FBXL17: variants seen among roughly 807,000 people sequenced by gnomAD.
The protein encoded by FBXL17 is F-box and leucine rich repeat protein 17, also known as F-box/LRR-repeat protein 17.
In FBXL17, 22 loss-of-function variants were observed where a neutral mutation model predicts 66.2. That is an observed-to-expected ratio of 0.33 (90% CI 0.24 to 0.47). The LOEUF (loss-of-function observed/expected upper bound fraction) is 0.47. Ranked by LOEUF, FBXL17 falls within the 20% of genes least tolerant of loss-of-function variation. The pLI, the probability that FBXL17 is intolerant of heterozygous loss-of-function variation, is 1.00. For synonymous variants in FBXL17, 474 were observed against 400.5 expected (o/e 1.18, Z -2.19); for missense variants, 878 against 948.2 (o/e 0.93, Z 0.97).
chr5:107,962,497 C>T (rs1561341367), intron 7 of FBXL17, among the ~76,000 whole-genome samples: 1 of 151,964 alleles, frequency 6.6e-6, no homozygotes, highest in African/African-American at 2.4e-5. Context: ...ATACATATTA[C>T]TGGGATAGAA....
intron 6 of FBXL17, among the ~76,000 whole-genome samples, chr5:108,077,657 T>C (rs76391380): frequency 0.028 from 3,550 of 128,334 alleles, 145 homozygotes; most frequent in African/African-American, 0.093. Context: ...GGCAAGATCC[T>C]ATCTCAAAAA....
intron 7 of FBXL17, among the ~76,000 whole-genome samples, chr5:107,982,665 T>C (rs1180539909): frequency 6.6e-6 from 1 of 152,254 alleles, no homozygotes; most frequent in Non-Finnish European, 1.5e-5. Flanking sequence ...GCATACATCC[T>C]GATTATAATG....
At position 108,030,517 on chromosome 5, in the gene FBXL17, T is replaced by C. The variant is rs573099378; in HGVS notation, c.1746-9516A>G. Among the ~76,000 whole-genome samples the C allele has an allele frequency of 2.6e-5, 4 of 152,280 alleles. No homozygotes were observed. The South Asian group carries it at 8.3e-4, about 32-fold the overall frequency. On this transcript the variant is annotated intron_variant, in intron 6 of 8. Transcript: ENST00000542267. ...TCCAGTACTCAGATTTGCGTTATTT[T>C]AAAGGATAAACCAAAATGAACAGTG...
At chr5:108,233,786 A>G (rs1755475045) in intron 4 of FBXL17, among the ~76,000 whole-genome samples, 1 of 152,212 alleles carries the variant, frequency 6.6e-6, no homozygotes, top group South Asian at 2.1e-4. Context: ...GCATAATGTC[A>G]ACACACATCA....
chr5:107,871,069 A>ACAAAAAAAAAAC lies in FBXL17; in HGVS notation c.1966-9210_1966-9209insGTTTTTTTTTTG, dbSNP rs1554080841. ...TACTCTTGGGCGGCAAAAAAAAAAA[A>ACAAAAAAAAAAC]AAAAAAAAAACCTCATCTAAAAATC... On this transcript the variant is annotated intron_variant, in intron 8 of 8. Coordinates refer to ENST00000542267, the MANE Select transcript of FBXL17 (RefSeq NM_001163315.3). 1.2e-3 allele frequency among the ~76,000 whole-genome samples: 156 copies of ACAAAAAAAAAAC among 130,238 alleles called. 5 individuals are homozygous for ACAAAAAAAAAAC. The highest frequency in any genetic ancestry group is 4.8e-3 in the African/African-American group (150 of 31,142). The allele number at this position is 130,238 out of a possible 152,430, so 85.4% of individuals were successfully genotyped here.
At chr5:108,040,396 T>C (rs1242239222) in intron 6 of FBXL17, among the ~76,000 whole-genome samples, 3 of 152,150 alleles carry the variant, frequency 2.0e-5, no homozygotes, top group Non-Finnish European at 4.4e-5. Flanking sequence ...TAGACCACCA[T>C]ATATGACCTA....
At chr5:108,329,049 C>A (rs1196645784) in intron 4 of FBXL17, among the ~76,000 whole-genome samples, 1 of 152,076 alleles carries the variant, frequency 6.6e-6, no homozygotes, top group African/African-American at 2.4e-5. Context: ...CATTATACCA[C>A]AATTGCCTAT....
intron 5 of FBXL17, among the ~76,000 whole-genome samples, chr5:108,197,414 CA>C (rs917476478): frequency 6.6e-6 from 1 of 151,646 alleles, no homozygotes; most frequent in Non-Finnish European, 1.5e-5. Context: ...CAGAGATCTA[CA>C]AAAAAAAGAG....
At chr5:108,312,852 A>C (rs1285107823) in intron 4 of FBXL17, among the ~76,000 whole-genome samples, 1 of 152,156 alleles carries the variant, frequency 6.6e-6, no homozygotes, top group South Asian at 2.1e-4. Flanking sequence ...TTATCAGCAT[A>C]ATCATTTCAG....
intron 4 of FBXL17, among the ~76,000 whole-genome samples, chr5:108,333,504 A>T (rs996565193): frequency 1.3e-5 from 2 of 152,198 alleles, no homozygotes; most frequent in African/African-American, 4.8e-5. Context: ...ATGACTGTTA[A>T]CTATTTATGA....
chr5:108,167,721 T>G (rs1288402423), intron 6 of FBXL17, among the ~76,000 whole-genome samples: 3 of 152,110 alleles, frequency 2.0e-5, no homozygotes, highest in African/African-American at 7.2e-5. Context: ...GAAAATGTCA[T>G]CAGTGACACT....
intron 6 of FBXL17, among the ~76,000 whole-genome samples, chr5:108,099,778 G>A (rs1316477749): frequency 6.6e-6 from 1 of 152,194 alleles, no homozygotes; most frequent in Non-Finnish European, 1.5e-5. Flanking sequence ...CCTCAAAATA[G>A]TTAATATGCC....
intron 5 of FBXL17, among the ~76,000 whole-genome samples, chr5:108,215,252 G>C (rs1019628634): frequency 3.9e-5 from 6 of 152,114 alleles, no homozygotes; most frequent in Non-Finnish European, 7.4e-5. Context: ...GGATCATATG[G>C]TAATTCTGTA....
chr5:107,976,436 A>G lies in FBXL17; in HGVS notation c.1822+44489T>C, dbSNP rs188087920. On this transcript the variant is annotated intron_variant, in intron 7 of 8. Transcript: ENST00000542267. ...AATTTTATATAGACTTAGATAATGG[A>G]CAAAAAAGAAGAAAAAAGGATCCTA... 2.0e-4 allele frequency among the ~76,000 whole-genome samples: 30 copies of G among 152,326 alleles called. No homozygotes were observed. In the East Asian group the frequency reaches 5.8e-3, roughly 29 times the overall value.
At chr5:108,205,809 A>G (rs574783126) in intron 5 of FBXL17, among the ~76,000 whole-genome samples, 2 of 152,174 alleles carry the variant, frequency 1.3e-5, no homozygotes, top group Admixed American at 1.3e-4. Context: ...AGCTCACTGC[A>G]ACTTCTGCCT....
In FBXL17 at chr5:107,882,092, T is replaced by C. The variant is rs192150141; in HGVS notation, c.1823-913A>G. On this transcript the variant is annotated intron_variant, in intron 7 of 8. Transcript: ENST00000542267. Reference sequence around the variant, plus strand: ...ACAAATTTCAATACCCCAGCACCAGTTTATGGTGCACTGGTTTGTGAATCA... The same window carrying C: ...ACAAATTTCAATACCCCAGCACCAGCTTATGGTGCACTGGTTTGTGAATCA... Among the ~76,000 whole-genome samples, 118 of 152,264 alleles carry C rather than the reference T, an allele frequency of 7.7e-4. 1 individual carries two copies. Among genetic ancestry groups the C allele is most frequent in the African/African-American group, 2.5e-3 (104 of 41,546 alleles).
chr5:108,203,262 ATG>A (rs1753975500), intron 5 of FBXL17, among the ~76,000 whole-genome samples: 1 of 151,952 alleles, frequency 6.6e-6, no homozygotes. Context: ...AGGCAGGTAG[ATG>A]GTATTACTAT....
intron 5 of FBXL17, among the ~76,000 whole-genome samples, chr5:108,209,517 G>C (rs1041784957): frequency 1.3e-5 from 2 of 152,138 alleles, no homozygotes; most frequent in Admixed American, 6.5e-5. Flanking sequence ...TTTTTAACAT[G>C]AAGGGGTGTT....
chr5:108,057,930 T>G (rs899644958), intron 6 of FBXL17, among the ~76,000 whole-genome samples: 1 of 152,204 alleles, frequency 6.6e-6, no homozygotes, highest in Non-Finnish European at 1.5e-5. Context: ...AAACACCACG[T>G]GAGGTGGTTT....
Sources: allele counts gnomAD v4.1 joint callset (sites outside exome capture counted in the v4.1 genomes callset), GRCh38; gene constraint gnomAD v4.1.1; transcripts MANE v1.5; gene names NCBI Gene and HGNC (gene_info 2026-07-23, HGNC 2026-07-21).